Variants in SGSM2 observed in about 807,000 individuals in gnomAD.
SGSM2 encodes RUN and TBC1 domain containing 1.
Under a neutral mutation model 126.6 loss-of-function variants are expected in SGSM2, and 89 were observed. That is an observed-to-expected ratio of 0.70 (90% confidence interval 0.59 to 0.84). The LOEUF (loss-of-function observed/expected upper bound fraction) is 0.84. Ranked by LOEUF, SGSM2 falls within the 40% of genes least tolerant of loss-of-function variation. The pLI is 0.00. For synonymous variants in SGSM2, 614 were observed against 574.3 expected, an observed-to-expected ratio of 1.07 and a Z score of -0.99; for missense variants, 1,404 against 1,416.6, an observed-to-expected ratio of 0.99 and a Z score of 0.14.
At position 2,364,982 on chromosome 17, in the gene SGSM2, C is replaced by T. The variant is rs748821690; in HGVS notation, c.1086C>T (p.Ser362=). 5 of 1,613,690 alleles carry T rather than the reference C, an allele frequency of 3.1e-6. No individual in the cohort carries two copies. The highest frequency in any genetic ancestry group is 4.2e-6 in the Non-Finnish European group (5 of 1,179,978). ...LHFPQGGHLL[S]FLSCLENGLL... is the part of the protein sequence containing the mutation. Reference sequence around the variant, plus strand: ...TCCCACAGGGAGGACACCTGCTGTCCTTTCTGTCCTGTCTGGAGAATGGGC... The same window carrying T: ...TCCCACAGGGAGGACACCTGCTGTCTTTTCTGTCCTGTCTGGAGAATGGGC... The change falls in exon 10 of 24, where the codon TCC becomes TCT. Residue 362 remains serine, a synonymous_variant. Transcript: ENST00000268989.
intron 2 of SGSM2, among the ~76,000 whole-genome samples, chr17:2,347,133 TCTCA>T (rs1236348685): frequency 6.6e-6 from 1 of 152,008 alleles, no homozygotes; most frequent in Admixed American, 6.6e-5. Context: ...AGAGACGGAG[TCTCA>T]CTCTGCTGCC....
At position 2,373,097 on chromosome 17, in the gene SGSM2, T is replaced by A; in HGVS notation, c.1917+16T>A. On this transcript the variant is annotated intron_variant, in intron 16 of 23. Transcript: ENST00000268989. ...GATGGAGCAGGTGAGGGGAGCCTGT[T>A]CCCATGGGGCTGATGAGATGGGGAG... 6.3e-7 allele frequency: 1 copy of A among 1,595,310 alleles called. No homozygotes were observed. Among genetic ancestry groups the A allele is most frequent in the Non-Finnish European group, 8.5e-7 (1 of 1,172,508 alleles).
In SGSM2 at chr17:2,376,132, T is replaced by C; in HGVS notation, c.2485-5T>C. On this transcript the variant is annotated splice_polypyrimidine_tract_variant and splice_region_variant and intron_variant, in intron 18 of 23. Coordinates refer to ENST00000268989, the MANE Select transcript of SGSM2 (RefSeq NM_014853.3). ...CTCATGCCTGAGGGCCCTCCACTCT[T>C]CCAGATAGAATTACTGGACACTGTG... 6.2e-7 allele frequency: 1 copy of C among 1,613,976 alleles called. No homozygotes were observed. Among genetic ancestry groups the C allele is most frequent in the South Asian group, 1.1e-5 (1 of 91,088 alleles).
rs1478467760 is a variant in SGSM2, at chr17:2,363,439, A to T, written c.673-26A>T. 8.1e-6 allele frequency: 13 copies of T among 1,611,804 alleles called. No homozygotes were observed. Among genetic ancestry groups the T allele is most frequent in the African/African-American group, 2.7e-5 (2 of 74,914 alleles). ...CTTGAGGCCAGTTTCCCAAGGCTGGAGGCTGAGCCCCGGCCTTCCACACAG... is the reference window on the plus strand; with the variant it reads ...CTTGAGGCCAGTTTCCCAAGGCTGGTGGCTGAGCCCCGGCCTTCCACACAG... On this transcript the variant is annotated intron_variant, in intron 6 of 23. Coordinates refer to ENST00000268989, the MANE Select transcript of SGSM2 (RefSeq NM_014853.3). The surrounding 1 kb of genome is among the most constrained non-coding windows in gnomAD (Gnocchi z 4.2).
At chr17:2,342,744 G>A (rs746486389) in intron 1 of SGSM2, among the ~76,000 whole-genome samples, 10 of 151,928 alleles carry the variant, frequency 6.6e-5, no homozygotes, top group African/African-American at 1.2e-4. Context: ...TTGGGAGGCC[G>A]GGCGGGTGGA....
intron 20 of SGSM2, 34 bp downstream of exon 20, chr17:2,376,849 T>A: frequency 6.2e-7 from 1 of 1,613,356 alleles, no homozygotes; most frequent in South Asian, 1.1e-5. Flanking sequence ...CTGGGCTGCG[T>A]AAGCTGGAGA....
At chr17:2,377,722 A>AGG in intron 21 of SGSM2, 135 bp from the exon 22 acceptor site, 1 of 647,812 alleles carries the variant, frequency 1.5e-6, no homozygotes, top group African/African-American at 1.8e-5. Flanking sequence ...TGCACCGCGC[A>AGG]GCACAGGGCA....
chr17:2,342,721 T>C (rs2064428042), intron 1 of SGSM2, among the ~76,000 whole-genome samples: 2 of 143,394 alleles, frequency 1.4e-5, no homozygotes, highest in Non-Finnish European at 3.1e-5. Flanking sequence ...CTCACGCCTG[T>C]AATCCCAGCA....
At chr17:2,344,925 G>A (rs374027390) in intron 2 of SGSM2, among the ~76,000 whole-genome samples, 27 of 152,148 alleles carry the variant, frequency 1.8e-4, no homozygotes, top group Non-Finnish European at 3.2e-4. Context: ...TCATTCGTTC[G>A]TAGCATTGTA....
chr17:2,360,106 G>T (rs1597348841), intron 2 of SGSM2, among the ~76,000 whole-genome samples: 1 of 152,304 alleles, frequency 6.6e-6, no homozygotes, highest in Non-Finnish European at 1.5e-5. Context: ...ACTTTGAGAG[G>T]CCGAGGCGGG....
chr17:2,373,641 G>A (rs1567844595), intron 17 of SGSM2, 128 bp downstream of exon 17: 3 of 798,030 alleles, frequency 3.8e-6, no homozygotes, highest in Non-Finnish European at 5.8e-6. Context: ...TAAGGTGCCT[G>A]TGTCTCATTT....
Position 2,372,439 on chromosome 17 carries a change from C to A in SGSM2, c.1739C>A (p.Ser580Tyr), listed in dbSNP as rs947779596. 3.2e-5 allele frequency: 51 copies of A among 1,600,458 alleles called. No individual in the cohort carries two copies. The highest frequency in any genetic ancestry group is 4.3e-5 in the Non-Finnish European group (51 of 1,175,940). Residue 580 changes from serine to tyrosine, a missense_variant, in exon 15 of 24, where the codon TCC becomes TAC. Ser to Tyr is a moderately radical substitution (Grantham distance 144, BLOSUM62 -2). Transcript: ENST00000268989. The surrounding 1 kb of genome is among the most constrained non-coding windows in gnomAD (Gnocchi z 6.0). ...CCACCTGACCGGCCCCCGGGGGCCT[C>A]CGCGGGCCTCACCAAGGACGTGTGG... ...VIPPDRPPGA[S>Y]AGLTKDVWSK...
At chr17:2,339,905 C>T (rs1272519583) in intron 1 of SGSM2, among the ~76,000 whole-genome samples, 1 of 152,006 alleles carries the variant, frequency 6.6e-6, no homozygotes, top group Non-Finnish European at 1.5e-5. Context: ...ATTTCTTAGG[C>T]CAGGGGTGTA....
At position 2,362,077 on chromosome 17, in the gene SGSM2, C is replaced by T. The variant is rs767839368; in HGVS notation, c.297-32C>T. 1.3e-6 allele frequency: 2 copies of T among 1,596,954 alleles called. No individual in the cohort carries two copies. Among genetic ancestry groups the T allele is most frequent in the Non-Finnish European group, 1.7e-6 (2 of 1,173,514 alleles). On this transcript the variant is annotated intron_variant, in intron 3 of 23. Coordinates refer to ENST00000268989, the MANE Select transcript of SGSM2 (RefSeq NM_014853.3). This position sits in a 1 kb window ranked among gnomAD's most constrained non-coding sequence, Gnocchi z 4.9. ...CATTCTGGGGTTTACCCCTAGACCA[C>T]TGCACTCCTGGAGCCCTCCCCGCCT...
chr17:2,345,270 T>G (rs1567801237), intron 2 of SGSM2, among the ~76,000 whole-genome samples: 1 of 152,126 alleles, frequency 6.6e-6, no homozygotes, highest in Non-Finnish European at 1.5e-5. Flanking sequence ...GAGACCAGCC[T>G]GGCCAACTTG....
In SGSM2 at chr17:2,379,972, T is replaced by A. The variant is rs1442051023; in HGVS notation, c.*452T>A. 2 of 1,366,728 alleles carry A rather than the reference T, an allele frequency of 1.5e-6. No homozygotes were observed. The allele number at this position is 1,366,728 out of a possible 1,614,324, so 84.7% of individuals were successfully genotyped here. ...AGGGTCCCTTTGCAGTCCCAGTATATTGTGCGTGCACCAGCCCCAGCTGGA... is the reference window on the plus strand; with the variant it reads ...AGGGTCCCTTTGCAGTCCCAGTATAATGTGCGTGCACCAGCCCCAGCTGGA... On this transcript the variant is annotated 3_prime_UTR_variant, in exon 24 of 24. Coordinates refer to ENST00000268989, the MANE Select transcript of SGSM2 (RefSeq NM_014853.3).
Position 2,352,029 on chromosome 17 carries a change from G to A in SGSM2, c.133+8409G>A, listed in dbSNP as rs1416683069. Among the ~76,000 whole-genome samples the A allele has an allele frequency of 4.6e-5, 7 of 152,308 alleles. No individual in the cohort carries two copies. The East Asian group carries it at 1.2e-3, about 25-fold the overall frequency. On this transcript the variant is annotated intron_variant, in intron 2 of 23. Transcript: ENST00000268989. ...GGTGGAAATAGCCAGGGAGAGAAGC[G>A]GGGAAGAGAGGGGCAGGTCACACTT...
In SGSM2 at chr17:2,337,753, C is replaced by A. The variant is rs779379105; in HGVS notation, c.57+8C>A. On this transcript the variant is annotated splice_region_variant and intron_variant, in intron 1 of 23. Transcript: ENST00000268989. The surrounding 1 kb of genome is among the most constrained non-coding windows in gnomAD (Gnocchi z 5.1). ...TGGAACGTGAAGAAGGAGGTAAAGT[C>A]GAGTCAAGAACCCCGGGGGGCTCGC... 2 of 1,528,336 alleles carry A rather than the reference C, an allele frequency of 1.3e-6. No homozygotes were observed. The highest frequency in any genetic ancestry group is 1.8e-6 in the Non-Finnish European group (2 of 1,133,956). The allele number at this position is 1,528,336 out of a possible 1,614,324, so 94.7% of individuals were successfully genotyped here.
At chr17:2,373,225 G>A (rs2065963392) in intron 16 of SGSM2, 106 bp from the exon 17 acceptor site, 21 of 1,537,252 alleles carry the variant, frequency 1.4e-5, no homozygotes, top group Middle Eastern at 2.0e-4. Flanking sequence ...CCTGAGGCCC[G>A]TCTTGAGTCT....
Sources: gnomAD v4.1 joint callset for allele counts (sites outside exome capture counted in the v4.1 genomes callset) on GRCh38, gnomAD v4.1.1 for gene constraint, Gnocchi (gnomAD v3.1) non-coding constraint, MANE v1.5 for transcripts, NCBI Gene and HGNC (gene_info 2026-07-23, HGNC 2026-07-21) for gene names.